NOSIP: variants seen among roughly 807,000 people sequenced by gnomAD.
The protein encoded by NOSIP is nitric oxide synthase interacting protein.
Under a neutral mutation model 36.4 loss-of-function variants are expected in NOSIP, and 25 were observed. The observed-to-expected ratio is 0.69, with a 90% CI of 0.50 to 0.96. The LOEUF (loss-of-function observed/expected upper bound fraction) is 0.96, where lower values mean the gene tolerates loss of function less well. Among genes scored for constraint, NOSIP ranks in the 40% least tolerant of loss-of-function variants. The pLI, the probability that NOSIP is intolerant of heterozygous loss-of-function variation, is 0.00. For missense variants in NOSIP, 370 were observed against 429.0 expected, an observed-to-expected ratio of 0.86 and a Z score of 1.21; for synonymous variants, 187 against 179.2, an observed-to-expected ratio of 1.04 and a Z score of -0.35.
chr19:49,556,182 GCGGC>G, intron 8 of NOSIP, 131 bp downstream of exon 8: 1 of 400,178 alleles, frequency 2.5e-6, no homozygotes, highest in Non-Finnish European at 4.5e-6. Context: ...GGGGGGGGGG[GCGGC>G]CTTACAGAGC....
intron 3 of NOSIP, chr19:49,559,326 G>A (rs1319955562): frequency 4.4e-6 from 1 of 227,854 alleles, no homozygotes; most frequent in Non-Finnish European, 8.8e-6. Context: ...AGACCAGCCT[G>A]GGCAACAAAG....
chr19:49,556,504 G>GC (rs781185665), intron 7 of NOSIP, 45 bp downstream of exon 7: 1 of 1,607,090 alleles, frequency 6.2e-7, no homozygotes, highest in Admixed American at 1.7e-5. Flanking sequence ...GGACCGCCCC[G>GC]CAGGTTCCCG....
intron 1 of NOSIP, among the ~76,000 whole-genome samples, chr19:49,572,794 C>G (rs546906822): frequency 6.6e-6 from 1 of 151,704 alleles, no homozygotes; most frequent in Admixed American, 6.6e-5. Context: ...GCCAATGTGG[C>G]GAAACCCTGT....
chr19:49,560,486 T>TACATGGTCATGGCCATCAGTGTA lies in NOSIP; in HGVS notation c.70+113_70+135dup. 1.5e-6 allele frequency: 1 copy of TACATGGTCATGGCCATCAGTGTA among 680,566 alleles called. No individual in the cohort carries two copies. Among genetic ancestry groups the TACATGGTCATGGCCATCAGTGTA allele is most frequent in the Non-Finnish European group, 2.6e-6 (1 of 381,458 alleles). The allele number at this position is 680,566 out of a possible 1,614,324, so 42.2% of individuals were successfully genotyped here. A position where few individuals can be genotyped will look rare whatever the true frequency, so the allele number is the denominator to read the frequency against. On this transcript the variant is annotated intron_variant, in intron 2 of 8. Transcript: ENST00000596358. This position sits in a 1 kb window ranked among gnomAD's most constrained non-coding sequence, Gnocchi z 4.6. ...GTCATGGGATCACCCAGCTGTTGTTTACATGGTCATGGCCATCAGTGTATA... is the reference window on the plus strand; with the variant it reads ...GTCATGGGATCACCCAGCTGTTGTTTACATGGTCATGGCCATCAGTGTAACATGGTCATGGCCATCAGTGTATA...
intron 1 of NOSIP, among the ~76,000 whole-genome samples, chr19:49,568,808 TTG>T (rs199639083): frequency 1.1e-4 from 15 of 142,354 alleles, no homozygotes; most frequent in Admixed American, 6.1e-4. Flanking sequence ...GTTTGTTTGT[TTG>T]TTTTTTTTTT....
chr19:49,559,373 C>T (rs1243914694), intron 3 of NOSIP: 1 of 199,062 alleles, frequency 5.0e-6, no homozygotes, highest in South Asian at 8.6e-5. Context: ...ACAAAAACGC[C>T]AGGTGTGGTA....
chr19:49,558,887 T>A lies in NOSIP; in HGVS notation c.258+10A>T. 6.2e-7 allele frequency: 1 copy of A among 1,612,146 alleles called. No homozygotes were observed. Among genetic ancestry groups the A allele is most frequent in the Non-Finnish European group, 8.5e-7 (1 of 1,178,274 alleles). On this transcript the variant is annotated intron_variant, in intron 4 of 8. Transcript: ENST00000596358. The stretch of plus-strand genomic sequence containing the variant: ...GCCTCCGTGTGCCGCCTCCTCCCCA[T>A]CCCCATCACCTTCATCTGCCGGGCA...
At chr19:49,570,188 T>C (rs773083998) in intron 1 of NOSIP, among the ~76,000 whole-genome samples, 7 of 152,160 alleles carry the variant, frequency 4.6e-5, no homozygotes, top group African/African-American at 1.2e-4. Context: ...TCAGGAAAGA[T>C]TGTCTCCTGC....
At chr19:49,559,019 C>G (rs749829794) in intron 3 of NOSIP, 41 bp from the exon 4 acceptor site, 13 of 1,535,230 alleles carry the variant, frequency 8.5e-6, no homozygotes, top group Non-Finnish European at 1.2e-5. Context: ...GAAAGTGATC[C>G]TCCCGCCTCG....
intron 1 of NOSIP, among the ~76,000 whole-genome samples, chr19:49,573,790 TTATGTATG>T (rs142865904): frequency 0.086 from 12,961 of 151,564 alleles, 629 homozygotes; most frequent in South Asian, 0.2. Context: ...TTATTTTATT[TTATGTATG>T]TATGTATGTA....
At position 49,555,765 on chromosome 19, in the gene NOSIP, C is replaced by G. The variant is rs2080227718; in HGVS notation, c.892G>C (p.Val298Leu). 6.2e-7 allele frequency: 1 copy of G among 1,613,446 alleles called. No individual in the cohort carries two copies. The highest frequency in any genetic ancestry group is 1.1e-5 in the South Asian group (1 of 91,086). The change falls in exon 9 of 9, where the codon GTG (valine) becomes CTG (leucine). Residue 298 changes from valine (V) to leucine (L), a missense_variant. Physicochemically the swap from Val to Leu is conservative, Grantham distance 32 (BLOSUM62 1). Coordinates refer to ENST00000596358, the MANE Select transcript of NOSIP (RefSeq NM_001270960.2). ...CCCGCACACACTCAGGCCTGCATCA[C>G]CGGCCGTGATTTCTCCGCTTGCAGC... ...VKLQAEKSRP[V>L]MQA
Position 49,560,472 on chromosome 19 carries a change from A to C in NOSIP, c.70+150T>G. The C allele has an allele frequency of 1.5e-6, 1 of 652,794 alleles. No individual in the cohort carries two copies. The highest frequency in any genetic ancestry group is 2.8e-6 in the Non-Finnish European group (1 of 360,708). 40.4% of individuals were successfully genotyped at this position (652,794 alleles called of 1,614,324 possible). On this transcript the variant is annotated intron_variant, in intron 2 of 8. Coordinates refer to ENST00000596358, the MANE Select transcript of NOSIP (RefSeq NM_001270960.2). The surrounding 1 kb of genome is among the most constrained non-coding windows in gnomAD (Gnocchi z 4.6). ...CCGGGCCACATGGGGTCATGGGATCACCCAGCTGTTGTTTACATGGTCATG... is the reference window on the plus strand; with the variant it reads ...CCGGGCCACATGGGGTCATGGGATCCCCCAGCTGTTGTTTACATGGTCATG...
chr19:49,556,734 G>A lies in NOSIP; in HGVS notation c.540C>T (p.Ser180=). ...EAKATKLEKP[S]RTVTCPMSGK... ...CTGACATGGGGCAGGTCACCGTGCG[G>A]GACTGCAAGGGGCAGAGAGAGGCGG... Residue 180 remains serine, a splice_region_variant and synonymous_variant, in exon 7 of 9, where the codon TCC becomes TCT. Coordinates refer to ENST00000596358, the MANE Select transcript of NOSIP (RefSeq NM_001270960.2). 2 of 1,605,592 alleles carry A rather than the reference G, an allele frequency of 1.2e-6. No individual in the cohort carries two copies. The highest frequency in any genetic ancestry group is 2.2e-5 in the South Asian group (2 of 90,450).
chr19:49,572,972 CAAAAAAA>C (rs5828405), intron 1 of NOSIP, among the ~76,000 whole-genome samples: 1 of 60,798 alleles, frequency 1.6e-5, no homozygotes, highest in African/African-American at 6.4e-5. Flanking sequence ...GACTGTGTCT[CAAAAAAA>C]AAAAAAAAAA....
chr19:49,573,695 C>T (rs898707920), intron 1 of NOSIP, among the ~76,000 whole-genome samples: 1 of 152,104 alleles, frequency 6.6e-6, no homozygotes, highest in African/African-American at 2.4e-5. Context: ...ATCCTTCAAC[C>T]CCTTAAGAAT....
intron 4 of NOSIP, 197 bp downstream of exon 4, chr19:49,558,700 T>A: frequency 1.5e-6 from 1 of 646,502 alleles, no homozygotes; most frequent in African/African-American, 1.8e-5. Context: ...CTGGGGCAGA[T>A]CCTGGGGACT....
At position 49,555,555 on chromosome 19, in the gene NOSIP, G is replaced by A. The variant is rs958303513; in HGVS notation, c.*196C>T. On this transcript the variant is annotated 3_prime_UTR_variant, in exon 9 of 9. Transcript: ENST00000596358. ...ATTACAGGCGTGAGCCACCGTGCCT[G>A]GCCAGATTTTGTTCTTAATGTGAGA... Among the ~76,000 whole-genome samples, 1 of 152,194 alleles carries A rather than the reference G, an allele frequency of 6.6e-6. No individual in the cohort carries two copies. Among genetic ancestry groups the A allele is most frequent in the Admixed American group, 6.5e-5 (1 of 15,274 alleles).
intron 1 of NOSIP, among the ~76,000 whole-genome samples, chr19:49,574,241 CA>C (rs1393584860): frequency 6.6e-6 from 1 of 152,134 alleles, no homozygotes; most frequent in African/African-American, 2.4e-5. Context: ...AAACCAGCCT[CA>C]GGGGGGCTTT....
At chr19:49,571,965 CAG>C (rs2122167312) in intron 1 of NOSIP, among the ~76,000 whole-genome samples, 1 of 112,744 alleles carries the variant, frequency 8.9e-6, no homozygotes, top group African/African-American at 3.6e-5. Flanking sequence ...AGCCTGGCGA[CAG>C]AGTGAGACTC....
Sources: gnomAD v4.1 joint callset for allele counts (sites outside exome capture counted in the v4.1 genomes callset) on GRCh38, gnomAD v4.1.1 for gene constraint, Gnocchi (gnomAD v3.1) non-coding constraint, MANE v1.5 for transcripts, NCBI Gene and HGNC (gene_info 2026-07-23, HGNC 2026-07-21) for gene names.